Variants in MRAS observed in about 807,000 individuals in gnomAD.
The protein encoded by MRAS is muscle RAS oncogene homolog.
Under a neutral mutation model 20.9 loss-of-function variants are expected in MRAS, and 4 were observed. That is an observed-to-expected ratio of 0.19 (90% confidence interval 0.09 to 0.44). MRAS has a LOEUF of 0.44. Ranked by LOEUF, MRAS falls within the 20% of genes least tolerant of loss-of-function variation. The pLI is 0.99. For synonymous variants in MRAS, 98 were observed against 102.9 expected (o/e 0.95, Z 0.29); for missense variants, 154 against 277.5 (o/e 0.56, Z 3.16).
chr3:138,400,442 G>T, intron 4 of MRAS, 92 bp from the exon 5 acceptor site: 1 of 1,156,002 alleles, frequency 8.7e-7, no homozygotes, highest in Non-Finnish European at 1.3e-6. Context: ...GAAAGCACCT[G>T]GGTTCCTCAG....
At chr3:138,354,368 G>A (rs924192109) in intron 1 of MRAS, among the ~76,000 whole-genome samples, 2 of 152,184 alleles carry the variant, frequency 1.3e-5, no homozygotes, top group African/African-American at 4.8e-5. Flanking sequence ...CTTAAAACCA[G>A]ACCACTCATC....
At chr3:138,386,363 C>T (rs1228355140) in intron 2 of MRAS, among the ~76,000 whole-genome samples, 1 of 152,174 alleles carries the variant, frequency 6.6e-6, no homozygotes, top group East Asian at 1.9e-4. Flanking sequence ...AATGGGACGG[C>T]ACATGGTCTC....
At chr3:138,361,950 T>A (rs1445074570) in intron 1 of MRAS, among the ~76,000 whole-genome samples, 1 of 152,224 alleles carries the variant, frequency 6.6e-6, no homozygotes, top group African/African-American at 2.4e-5. Context: ...TTTCCTCAGC[T>A]GCCACTCCAA....
At chr3:138,360,934 G>A (rs562962338) in intron 1 of MRAS, among the ~76,000 whole-genome samples, 10 of 152,324 alleles carry the variant, frequency 6.6e-5, no homozygotes, top group Admixed American at 2.6e-4. Context: ...GGGGCATGCC[G>A]AGCTTTCAGG....
At chr3:138,395,553 C>T (rs542957882) in intron 2 of MRAS, among the ~76,000 whole-genome samples, 6 of 152,242 alleles carry the variant, frequency 3.9e-5, no homozygotes, top group East Asian at 1.9e-4. Flanking sequence ...CGCTAGGCCA[C>T]GTGGCTCCCT....
chr3:138,379,468 C>T (rs1462774425), intron 2 of MRAS, among the ~76,000 whole-genome samples: 1 of 148,696 alleles, frequency 6.7e-6, no homozygotes, highest in Admixed American at 6.9e-5. Flanking sequence ...AGCAATTCTC[C>T]TGCCTAAGCC....
chr3:138,382,243 G>A (rs933331783), intron 2 of MRAS, among the ~76,000 whole-genome samples: 2 of 152,206 alleles, frequency 1.3e-5, no homozygotes, highest in African/African-American at 4.8e-5. Flanking sequence ...ATGGTGCCCA[G>A]GGCAGTGCTC....
At chr3:138,397,104 A>C (rs559548209) in intron 2 of MRAS, among the ~76,000 whole-genome samples, 1 of 152,198 alleles carries the variant, frequency 6.6e-6, no homozygotes, top group Non-Finnish European at 1.5e-5. Context: ...TGGTGGGTCC[A>C]CAGTGAGTCA....
chr3:138,363,861 T>C (rs1368971899), intron 1 of MRAS, among the ~76,000 whole-genome samples: 1 of 115,746 alleles, frequency 8.6e-6, no homozygotes, highest in East Asian at 3.1e-4. Flanking sequence ...AGAGGGTGGC[T>C]ATGTTTTGTG....
intron 2 of MRAS, among the ~76,000 whole-genome samples, chr3:138,379,435 G>A (rs2054854286): frequency 7.5e-6 from 1 of 133,582 alleles, no homozygotes; most frequent in Non-Finnish European, 1.5e-5. Context: ...CACGATCACT[G>A]CAACCTCCCC....
intron 2 of MRAS, 133 bp from the exon 3 acceptor site, chr3:138,397,191 A>AT: frequency 9.5e-7 from 1 of 1,054,900 alleles, no homozygotes; most frequent in Non-Finnish European, 1.4e-6. Context: ...GAGAGAGCTT[A>AT]TGCAGCCTCT....
chr3:138,399,655 A>C (rs2055317994), intron 4 of MRAS, among the ~76,000 whole-genome samples: 1 of 152,212 alleles, frequency 6.6e-6, no homozygotes, highest in Admixed American at 6.5e-5. Flanking sequence ...ACTTATGAAA[A>C]ATAACAAAGT....
At chr3:138,358,397 T>C (rs534931104) in intron 1 of MRAS, among the ~76,000 whole-genome samples, 1 of 151,938 alleles carries the variant, frequency 6.6e-6, no homozygotes, top group Non-Finnish European at 1.5e-5. Context: ...AATTAGGCAC[T>C]CTAGACCTTA....
intron 1 of MRAS, among the ~76,000 whole-genome samples, chr3:138,369,267 G>T (rs1005993418): frequency 2.6e-5 from 4 of 152,212 alleles, no homozygotes; most frequent in African/African-American, 9.6e-5. Flanking sequence ...CTGCCCTTTT[G>T]TGCACAGTAA....
intron 2 of MRAS, among the ~76,000 whole-genome samples, chr3:138,390,520 C>T (rs191843970): frequency 3.4e-4 from 52 of 152,344 alleles, no homozygotes; most frequent in Non-Finnish European, 1.5e-5. Flanking sequence ...TCTCTGGAGT[C>T]CTCCTACCTT....
chr3:138,392,247 C>G (rs2055147511), intron 2 of MRAS, among the ~76,000 whole-genome samples: 1 of 152,126 alleles, frequency 6.6e-6, no homozygotes. Flanking sequence ...TCATTCTGCC[C>G]CAGAGGCTGG....
intron 4 of MRAS, among the ~76,000 whole-genome samples, chr3:138,399,536 C>T (rs1426977575): frequency 4.9e-5 from 2 of 40,902 alleles, no homozygotes; most frequent in African/African-American, 3.6e-4. Flanking sequence ...CAACAACTTA[C>T]TCTGTCGCCC....
intron 1 of MRAS, among the ~76,000 whole-genome samples, chr3:138,356,540 G>C (rs931581776): frequency 2.0e-5 from 3 of 152,150 alleles, no homozygotes; most frequent in African/African-American, 7.2e-5. Flanking sequence ...GAGGCTCAAG[G>C]AGGAGACAGG....
chr3:138,392,070 G>A (rs1161262844), intron 2 of MRAS, among the ~76,000 whole-genome samples: 2 of 152,086 alleles, frequency 1.3e-5, no homozygotes, highest in African/African-American at 4.8e-5. Context: ...CCCGGCAGGC[G>A]GAGGTTGCAG....
Sources: gnomAD v4.1 joint callset for allele counts (sites outside exome capture counted in the v4.1 genomes callset) on GRCh38, gnomAD v4.1.1 for gene constraint, MANE v1.5 for transcripts, NCBI Gene and HGNC (gene_info 2026-07-23, HGNC 2026-07-21) for gene names.